Variants in SLC26A5 observed in about 807,000 individuals in gnomAD.
The protein encoded by SLC26A5 is solute carrier family 26 member 5.
A neutral mutation model predicts 81.0 loss-of-function variants in SLC26A5; 51 were observed. The observed-to-expected ratio is 0.63, with a 90% CI of 0.50 to 0.80. The LOEUF is 0.80. SLC26A5 is among the 30% of genes least tolerant of loss of function. The pLI is 0.00. For synonymous variants in SLC26A5, 325 were observed against 332.8 expected (o/e 0.98, Z 0.25); for missense variants, 771 against 905.8 (o/e 0.85, Z 1.91).
intron 15 of SLC26A5, 91 bp downstream of exon 15, chr7:103,380,389 T>C: frequency 5.7e-6 from 6 of 1,051,372 alleles, no homozygotes; most frequent in Non-Finnish European, 8.9e-6. Context: ...ACCTCCCATC[T>C]TACCCCTACT....
chr7:103,407,048 G>C (rs1446926273), intron 8 of SLC26A5, among the ~76,000 whole-genome samples: 1 of 152,154 alleles, frequency 6.6e-6, no homozygotes, highest in Non-Finnish European at 1.5e-5. Flanking sequence ...ATATTAAAAG[G>C]TCCCCAGTGA....
intron 6 of SLC26A5, among the ~76,000 whole-genome samples, chr7:103,410,791 C>T (rs1042905994): frequency 9.2e-5 from 14 of 152,008 alleles, no homozygotes; most frequent in East Asian, 1.9e-4. Flanking sequence ...CCACCATGTC[C>T]GGCTAATTTT....
intron 14 of SLC26A5, among the ~76,000 whole-genome samples, chr7:103,382,133 C>T (rs553779569): frequency 7.0e-4 from 106 of 152,206 alleles, no homozygotes; most frequent in African/African-American, 2.5e-3. Flanking sequence ...ACAAGTTCTC[C>T]TCAAGCCACT....
intron 8 of SLC26A5, among the ~76,000 whole-genome samples, chr7:103,402,432 C>T (rs1282625141): frequency 6.8e-6 from 1 of 146,070 alleles, no homozygotes; most frequent in Admixed American, 6.9e-5. Context: ...CTCATTCTCG[C>T]TCTGTTGCCC....
intron 3 of SLC26A5, 52 bp from the exon 4 acceptor site, chr7:103,420,929 G>A (rs1275407458): frequency 6.4e-7 from 1 of 1,556,050 alleles, no homozygotes; most frequent in East Asian, 2.2e-5. Context: ...AAACATCTCT[G>A]TAGAATTCAA....
In SLC26A5 at chr7:103,389,113, G is replaced by T. The variant is rs202056712; in HGVS notation, c.1409C>A (p.Thr470Asn). The change falls in exon 14 of 20, where the codon ACC becomes AAC. Residue 470 changes from threonine (T) to asparagine (N), a missense_variant and splice_region_variant. Coordinates refer to ENST00000306312, the MANE Select transcript of SLC26A5 (RefSeq NM_198999.3). ...GGACACAAAAGTGGTAAGCCAGATG[G>T]TCTAAGCAAAAGACAGAAAACTTGA... ...FFWRTSKIELTIWLTTFVSSL... is the reference protein window; with the variant it reads ...FFWRTSKIELNIWLTTFVSSL... 70 of 1,609,444 alleles carry T rather than the reference G, an allele frequency of 4.3e-5. No homozygotes were observed. The African/African-American group carries it at 7.6e-4, about 17-fold the overall frequency.
At chr7:103,441,548 T>A (rs1389973871) in intron 2 of SLC26A5, among the ~76,000 whole-genome samples, 1 of 152,210 alleles carries the variant, frequency 6.6e-6, no homozygotes, top group African/African-American at 2.4e-5. Flanking sequence ...TTTATCTCAG[T>A]TTGGCCACTA....
chr7:103,375,602 T>C (rs1821298322), intron 19 of SLC26A5, among the ~76,000 whole-genome samples: 1 of 152,178 alleles, frequency 6.6e-6, no homozygotes, highest in Admixed American at 6.5e-5. Flanking sequence ...ATTATTATTA[T>C]TTTTTCTTTT....
chr7:103,395,095 G>A (rs1393767947), intron 9 of SLC26A5, among the ~76,000 whole-genome samples: 3 of 152,150 alleles, frequency 2.0e-5, no homozygotes, highest in African/African-American at 7.2e-5. Context: ...CCCCAAGTGA[G>A]ACCTGCCAAA....
intron 5 of SLC26A5, among the ~76,000 whole-genome samples, chr7:103,412,530 G>C (rs1450526219): frequency 6.6e-6 from 1 of 150,588 alleles, no homozygotes; most frequent in Non-Finnish European, 1.5e-5. Context: ...TAGAAATCTT[G>C]GGAGGAGTGT....
At chr7:103,410,838 C>A (rs1586318875) in intron 6 of SLC26A5, among the ~76,000 whole-genome samples, 1 of 152,028 alleles carries the variant, frequency 6.6e-6, no homozygotes, top group Middle Eastern at 3.4e-3. Context: ...ACTATGTTGC[C>A]CAGGGTGGTC....
downstream of SLC26A5, among the ~76,000 whole-genome samples, chr7:103,371,054 C>A (rs1309779083): frequency 6.6e-6 from 1 of 152,100 alleles, no homozygotes; most frequent in African/African-American, 2.4e-5. Context: ...TCCTTGAAAG[C>A]CAGAGACGAG....
chr7:103,393,223 C>T (rs1021669809), intron 9 of SLC26A5, among the ~76,000 whole-genome samples, 157 bp from the exon 10 acceptor site: 2 of 152,178 alleles, frequency 1.3e-5, no homozygotes, highest in African/African-American at 4.8e-5. Context: ...AAGGAGGGCC[C>T]TCCTTGACGC....
chr7:103,399,263 G>A (rs1034475298), intron 8 of SLC26A5, among the ~76,000 whole-genome samples: 1 of 152,288 alleles, frequency 6.6e-6, no homozygotes, highest in East Asian at 1.9e-4. Context: ...AGGCAAGCTG[G>A]TCATTTACTT....
At chr7:103,433,281 A>G (rs1238820397) in intron 2 of SLC26A5, among the ~76,000 whole-genome samples, 2 of 152,068 alleles carry the variant, frequency 1.3e-5, no homozygotes, top group Admixed American at 6.5e-5. Context: ...TCTTATTATT[A>G]TTGTTCTTTT....
intron 2 of SLC26A5, among the ~76,000 whole-genome samples, chr7:103,435,541 A>G (rs953594139): frequency 2.0e-5 from 3 of 152,180 alleles, no homozygotes; most frequent in Non-Finnish European, 4.4e-5. Flanking sequence ...CTTTGGGTGA[A>G]GAGGCAAGAG....
At chr7:103,388,031 T>A (rs902798739) in intron 14 of SLC26A5, among the ~76,000 whole-genome samples, 2 of 151,996 alleles carry the variant, frequency 1.3e-5, no homozygotes, top group African/African-American at 4.8e-5. Flanking sequence ...TTATGGTGAT[T>A]TATCACAAAA....
At chr7:103,440,953 T>C (rs1826829958) in intron 2 of SLC26A5, among the ~76,000 whole-genome samples, 2 of 152,164 alleles carry the variant, frequency 1.3e-5, no homozygotes, top group Admixed American at 1.3e-4. Flanking sequence ...AGTTCACCCC[T>C]GGAGACAGCA....
At chr7:103,439,280 T>TG (rs1178258799) in intron 2 of SLC26A5, among the ~76,000 whole-genome samples, 1 of 152,086 alleles carries the variant, frequency 6.6e-6, no homozygotes, top group Non-Finnish European at 1.5e-5. Flanking sequence ...AAAGGAAAAC[T>TG]GGGGGGACTA....
Sources: allele counts gnomAD v4.1 joint callset (sites outside exome capture counted in the v4.1 genomes callset), GRCh38; gene constraint gnomAD v4.1.1; transcripts MANE v1.5; gene names NCBI Gene and HGNC (gene_info 2026-07-23, HGNC 2026-07-21).